The following SDK2 variants were observed in gnomAD, a reference collection of about 807,000 sequenced individuals.
SDK2 encodes sidekick cell adhesion molecule 2.
Under a neutral mutation model 253.9 loss-of-function variants are expected in SDK2, and 105 were observed. The ratio of observed to expected loss-of-function variants is 0.41; its 90% CI spans 0.35 to 0.49. SDK2 has a LOEUF of 0.49. Among genes scored for constraint, SDK2 ranks in the 20% least tolerant of loss-of-function variants. The pLI is 0.06. For synonymous variants in SDK2, 1,249 were observed against 1,234.9 expected, an observed-to-expected ratio of 1.01 and a Z score of -0.24; for missense variants, 2,608 against 3,003.0, an observed-to-expected ratio of 0.87 and a Z score of 3.07.
At chr17:73,358,354 T>C in intron 39 of SDK2, 150 bp from the exon 40 acceptor site, 3 of 1,013,094 alleles carry the variant, frequency 3.0e-6, no homozygotes. Flanking sequence ...GGCCTGAGAG[T>C]ACATCTCAGG....
At chr17:73,349,285 G>T (rs1244409983) in intron 43 of SDK2, among the ~76,000 whole-genome samples, 2 of 152,194 alleles carry the variant, frequency 1.3e-5, no homozygotes, top group African/African-American at 4.8e-5. Context: ...GCTCGGCTTT[G>T]GGAGCTCCTC....
chr17:73,433,390 C>T (rs763043574), intron 10 of SDK2, among the ~76,000 whole-genome samples: 6 of 152,158 alleles, frequency 3.9e-5, no homozygotes, highest in Middle Eastern at 3.4e-3. Flanking sequence ...TCAAGCGATT[C>T]TCCTATCTCA....
At chr17:73,394,367 C>A (rs367788655) in intron 25 of SDK2, 43 bp from the exon 26 acceptor site, 2 of 1,358,476 alleles carry the variant, frequency 1.5e-6, no homozygotes, top group African/African-American at 2.9e-5. Flanking sequence ...CAGGACCCAA[C>A]GTTGACTGTG....
At chr17:73,412,129 TGTG>T (rs2063142388) in intron 18 of SDK2, among the ~76,000 whole-genome samples, 1 of 28,808 alleles carries the variant, frequency 3.5e-5, no homozygotes, top group African/African-American at 1.3e-4. Context: ...TACGTATATA[TGTG>T]TATGTGTATA....
chr17:73,412,042 A>G lies in SDK2; in HGVS notation c.2484+2602T>C, dbSNP rs1467092750. ...TACGTATATGTATATATACGTATAT[A>G]TATGTATATACGTATATGTATATAT... On this transcript the variant is annotated intron_variant, in intron 18 of 44. Transcript: ENST00000392650. Among the ~76,000 whole-genome samples, 10 of 8,590 alleles carry G rather than the reference A, an allele frequency of 1.2e-3. 2 individuals carry two copies. Among genetic ancestry groups the G allele is most frequent in the Middle Eastern group, 0.17 (2 of 12 alleles). The allele number at this position is 8,590 out of a possible 152,430, so 5.6% of individuals were successfully genotyped here. A position where few individuals can be genotyped will look rare whatever the true frequency, so the allele number is the denominator to read the frequency against.
At chr17:73,426,323 G>A (rs899054481) in intron 12 of SDK2, among the ~76,000 whole-genome samples, 1 of 144,258 alleles carries the variant, frequency 6.9e-6, no homozygotes, top group Non-Finnish European at 1.5e-5. Context: ...TGCCTCTGCC[G>A]CCCAAAGTGC....
chr17:73,547,949 G>C (rs917593381), intron 1 of SDK2, among the ~76,000 whole-genome samples: 5 of 152,204 alleles, frequency 3.3e-5, no homozygotes, highest in African/African-American at 1.2e-4. Flanking sequence ...AAGGCAAAGG[G>C]GAAGAAGCAA....
intron 1 of SDK2, chr17:73,513,659 G>A (rs1426703885): frequency 6.6e-6 from 1 of 152,198 alleles, no homozygotes; most frequent in African/African-American, 2.4e-5. Context: ...GAGCCGCTCA[G>A]CTTATAACAG....
chr17:73,432,155 A>G (rs1318749302), intron 10 of SDK2, among the ~76,000 whole-genome samples: 2 of 152,018 alleles, frequency 1.3e-5, no homozygotes, highest in Non-Finnish European at 2.9e-5. Flanking sequence ...GGGGTGGGGT[A>G]GAGAGGGACA....
rs199991088 is a variant in SDK2, at chr17:73,401,224, G to A, written c.2780-13C>T. 1.6e-4 allele frequency: 252 copies of A among 1,536,726 alleles called. 1 individual carries two copies. The African/African-American group carries it at 2.8e-3, about 17-fold the overall frequency. On this transcript the variant is annotated splice_polypyrimidine_tract_variant and intron_variant, in intron 20 of 44. Transcript: ENST00000392650. ...GAGATCCGGTACCCTGGGGAGAGCC[G>A]CCGTGTTGGCATGAGCTTGGCTGTG... is the stretch of plus-strand genomic sequence containing the variant.
intron 1 of SDK2, among the ~76,000 whole-genome samples, chr17:73,619,021 GC>G (rs2046094932): frequency 6.6e-6 from 1 of 152,128 alleles, no homozygotes; most frequent in South Asian, 2.1e-4. Flanking sequence ...ACAAAAATTA[GC>G]TGAGTGTGGT....
At chr17:73,364,793 T>C (rs1414068149) in intron 38 of SDK2, among the ~76,000 whole-genome samples, 1 of 152,094 alleles carries the variant, frequency 6.6e-6, no homozygotes, top group Non-Finnish European at 1.5e-5. Flanking sequence ...GGCTAATTTT[T>C]GTATTTTCAG....
At chr17:73,576,101 C>T (rs1047070779) in intron 1 of SDK2, among the ~76,000 whole-genome samples, 5 of 152,090 alleles carry the variant, frequency 3.3e-5, no homozygotes, top group African/African-American at 2.4e-5. Flanking sequence ...GCCAAATTCT[C>T]GAGGCAAAAG....
At chr17:73,385,283 T>A (rs2145482745) in intron 32 of SDK2, among the ~76,000 whole-genome samples, 1 of 152,252 alleles carries the variant, frequency 6.6e-6, no homozygotes, top group South Asian at 2.1e-4. Context: ...TTGCCCATGG[T>A]CTTCCCCAGG....
intron 36 of SDK2, among the ~76,000 whole-genome samples, chr17:73,375,230 C>CTTTTTTTTTTTTTT (rs33992958): frequency 1.7e-5 from 1 of 58,578 alleles, no homozygotes; most frequent in African/African-American, 7.1e-5. Flanking sequence ...TCCTAACAAC[C>CTTTTTTTTTTTTTT]TTTTTTTTTT....
chr17:73,384,389 C>G lies in SDK2; in HGVS notation c.4570-378G>C, dbSNP rs2062855813. Reference sequence around the variant, plus strand: ...TTCAAGAGCTGCCCTCACCTGATCACCAGCCTCCCCAGGCCTGCTGGTCCC... The same window carrying G: ...TTCAAGAGCTGCCCTCACCTGATCAGCAGCCTCCCCAGGCCTGCTGGTCCC... On this transcript the variant is annotated intron_variant, in intron 32 of 44. Coordinates refer to ENST00000392650, the MANE Select transcript of SDK2 (RefSeq NM_001144952.2). Among the ~76,000 whole-genome samples the G allele has an allele frequency of 2.0e-5, 3 of 152,178 alleles. No homozygotes were observed. The South Asian group carries it at 6.2e-4, about 32-fold the overall frequency.
chr17:73,505,810 A>C (rs1040783995), intron 2 of SDK2, among the ~76,000 whole-genome samples: 3 of 152,010 alleles, frequency 2.0e-5, no homozygotes, highest in Admixed American at 6.6e-5. Flanking sequence ...GCTGGACCTC[A>C]TCATCATCAT....
chr17:73,593,635 A>G (rs576865302), intron 1 of SDK2, among the ~76,000 whole-genome samples: 106 of 152,258 alleles, frequency 7.0e-4, no homozygotes, highest in Non-Finnish European at 1.2e-3. Flanking sequence ...TGCCCCCCCA[A>G]AGTGTGCCAC....
At chr17:73,505,388 TTAAA>T (rs936358684) in intron 2 of SDK2, among the ~76,000 whole-genome samples, 8 of 152,234 alleles carry the variant, frequency 5.3e-5, no homozygotes, top group African/African-American at 1.7e-4. Context: ...GTGGGCAGGA[TTAAA>T]TGAGATAATC....
Sources: allele counts gnomAD v4.1 joint callset (sites outside exome capture counted in the v4.1 genomes callset), GRCh38; gene constraint gnomAD v4.1.1; transcripts MANE v1.5; gene names NCBI Gene and HGNC (gene_info 2026-07-23, HGNC 2026-07-21).